OTUD7B: variants seen among roughly 807,000 people sequenced by gnomAD.
OTUD7B encodes OTU deubiquitinase 7B, also known as OTU domain-containing protein 7B.
OTUD7B carries 34 observed loss-of-function variants against 82.2 expected under a neutral mutation model. That is an observed-to-expected ratio of 0.41 (90% CI 0.31 to 0.55). The LOEUF is 0.55. Among genes scored for constraint, OTUD7B ranks in the 20% least tolerant of loss-of-function variants. OTUD7B has a pLI of 0.20. For synonymous variants in OTUD7B, 398 were observed against 402.7 expected, an observed-to-expected ratio of 0.99 and a Z score of 0.14; for missense variants, 944 against 1,062.1, an observed-to-expected ratio of 0.89 and a Z score of 1.55.
At chr1:150,047,047 G>C in the OTUD7B span, among the ~76,000 whole-genome samples, 1 of 151,926 alleles carries the variant, frequency 6.6e-6, no homozygotes, top group African/African-American at 2.4e-5. Flanking sequence ...CTCTAGCCTG[G>C]GCGACAGAGC....
chr1:150,049,302 C>T, the OTUD7B span, among the ~76,000 whole-genome samples: 395 of 152,256 alleles, frequency 2.6e-3, no homozygotes, highest in Non-Finnish European at 3.5e-3. Context: ...TTAAATTATT[C>T]TCTATATCTG....
At chr1:150,010,866 C>T (rs947357953), upstream of OTUD7B, among the ~76,000 whole-genome samples, 1 of 152,144 alleles carries the variant, frequency 6.6e-6, no homozygotes, top group African/African-American at 2.4e-5. Context: ...AGGCTGCGGC[C>T]AGTTTGGCGC....
At chr1:150,017,904 G>A in the OTUD7B span, among the ~76,000 whole-genome samples, 588 of 152,244 alleles carry the variant, frequency 3.9e-3, 5 homozygotes, top group African/African-American at 0.013. Context: ...GAGCTTTGGG[G>A]TTCAGTGACT....
At chr1:150,054,808 C>CACAAAAAAAAAAAAAAAA in the OTUD7B span, 1 of 41,700 alleles carries the variant, frequency 2.4e-5, no homozygotes, top group African/African-American at 1.0e-4. Flanking sequence ...AACTCAGTCT[C>CACAAAAAAAAAAAAAAAA]AAAAAAAAAA....
intron 7 of OTUD7B, among the ~76,000 whole-genome samples, chr1:149,958,415 C>A (rs1553774993): frequency 7.1e-6 from 1 of 140,890 alleles, no homozygotes; most frequent in African/African-American, 2.6e-5. Flanking sequence ...ACAACCTCTG[C>A]TTCCTGGGTT....
intron 6 of OTUD7B, among the ~76,000 whole-genome samples, chr1:149,960,102 A>C (rs1327425752): frequency 2.0e-5 from 3 of 152,084 alleles, no homozygotes; most frequent in Non-Finnish European, 4.4e-5. Context: ...GCAAAGAACA[A>C]TGACCTTCTA....
chr1:149,971,355 A>G (rs1649917113), intron 2 of OTUD7B, 104 bp from the exon 3 acceptor site: 1 of 631,612 alleles, frequency 1.6e-6, no homozygotes, highest in Non-Finnish European at 2.7e-6. Context: ...ACGCATGCAC[A>G]TAATCATTCT....
the OTUD7B span, among the ~76,000 whole-genome samples, chr1:150,026,034 T>C: frequency 1.3e-5 from 2 of 152,232 alleles, no homozygotes; most frequent in Admixed American, 6.5e-5. Context: ...ATATGAATTT[T>C]AGAAAATACA....
At chr1:150,064,078 A>C in the OTUD7B span, among the ~76,000 whole-genome samples, 1 of 152,230 alleles carries the variant, frequency 6.6e-6, no homozygotes, top group Non-Finnish European at 1.5e-5. Flanking sequence ...TCAATGGGAA[A>C]TACATATAAC....
At position 149,943,797 on chromosome 1, in the gene OTUD7B, T is replaced by G; in HGVS notation, c.*60A>C. The G allele has an allele frequency of 2.6e-5, 39 of 1,514,902 alleles. No homozygotes were observed. The highest frequency in any genetic ancestry group is 3.5e-5 in the Non-Finnish European group (38 of 1,101,148). The allele number at this position is 1,514,902 out of a possible 1,614,324, so 93.8% of individuals were successfully genotyped here. ...CTCAACATGGGGACTGTGTTCTTGA[T>G]GAGCCAATTAGTTGAGCTTAACTTT... On this transcript the variant is annotated 3_prime_UTR_variant, in exon 12 of 12. Coordinates refer to ENST00000581312, the MANE Select transcript of OTUD7B (RefSeq NM_020205.4).
chr1:150,017,334 A>T, the OTUD7B span, among the ~76,000 whole-genome samples: 1 of 152,202 alleles, frequency 6.6e-6, no homozygotes, highest in Non-Finnish European at 1.5e-5. Flanking sequence ...GGGTTAAGAG[A>T]TTAAAAAAGG....
the OTUD7B span, among the ~76,000 whole-genome samples, chr1:150,037,366 A>G: frequency 6.6e-6 from 1 of 152,096 alleles, no homozygotes; most frequent in African/African-American, 2.4e-5. Flanking sequence ...CTAAAATGGC[A>G]GTAAAGGCAT....
At chr1:150,032,833 A>G in the OTUD7B span, among the ~76,000 whole-genome samples, 1 of 152,320 alleles carries the variant, frequency 6.6e-6, no homozygotes, top group East Asian at 1.9e-4. Flanking sequence ...TGGCCAAAAC[A>G]GTATTCTTTT....
intron 1 of OTUD7B, among the ~76,000 whole-genome samples, chr1:149,984,914 C>T (rs1651028713): frequency 6.6e-6 from 1 of 152,152 alleles, no homozygotes; most frequent in African/African-American, 2.4e-5. Context: ...CAGGCTACAG[C>T]TCTTTTATTC....
the OTUD7B span, among the ~76,000 whole-genome samples, chr1:150,037,771 G>A: frequency 2.5e-3 from 384 of 152,028 alleles, 3 homozygotes; most frequent in African/African-American, 9.0e-3. Flanking sequence ...TGTATTTTCA[G>A]CTGAGACGGG....
rs587703947 is a variant in OTUD7B at position 149,971,143 on chromosome 1, G to A, written c.194C>T (p.Thr65Ile). 6.2e-7 allele frequency: 1 copy of A among 1,613,652 alleles called. No individual in the cohort carries two copies. Among genetic ancestry groups the A allele is most frequent in the African/African-American group, 1.3e-5 (1 of 74,974 alleles). Reference sequence around the variant, plus strand: ...TCTGTCAGAAAACCCTTTTTCAGGGGTCCTGGAGCCACCACTCCCCTCACT... The same window carrying A: ...TCTGTCAGAAAACCCTTTTTCAGGGATCCTGGAGCCACCACTCCCCTCACT... ...SFSEGSGGSR[T>I]PEKGFSDREP... is the part of the protein sequence containing the mutation. Residue 65 changes from threonine (T) to isoleucine (I), a missense_variant, in exon 3 of 12, where the codon ACC (threonine) becomes ATC (isoleucine). Thr to Ile is a moderately conservative substitution (Grantham distance 89). Coordinates refer to ENST00000581312, the MANE Select transcript of OTUD7B (RefSeq NM_020205.4).
chr1:149,945,390 G>A (rs1553771879), intron 11 of OTUD7B, among the ~76,000 whole-genome samples: 1 of 152,154 alleles, frequency 6.6e-6, no homozygotes, highest in Non-Finnish European at 1.5e-5. Flanking sequence ...GTAGAATAAA[G>A]CCTTACTGTT....
At chr1:150,013,989 CATATATACACACAT>C (rs1363188309), upstream of OTUD7B, among the ~76,000 whole-genome samples, 3 of 129,736 alleles carry the variant, frequency 2.3e-5, no homozygotes, top group East Asian at 6.6e-4. Flanking sequence ...TATACACACA[CATATATACACACAT>C]ATATATACAC....
rs587723782 is a variant in OTUD7B, at chr1:149,958,092, A to G, written c.845+1592T>C. Reference sequence around the variant, plus strand: ...CGGTACCTCAGTTGGAAATGCAGAAATCATCCCTCTTCTGCGTCACTCATG... The same window carrying G: ...CGGTACCTCAGTTGGAAATGCAGAAGTCATCCCTCTTCTGCGTCACTCATG... On this transcript the variant is annotated intron_variant, in intron 7 of 11. Transcript: ENST00000581312. Among the ~76,000 whole-genome samples the G allele has an allele frequency of 3.9e-5, 6 of 152,226 alleles. No homozygotes were observed. The South Asian group carries it at 1.2e-3, about 32-fold the overall frequency.
Sources: gnomAD v4.1 joint callset for allele counts (sites outside exome capture counted in the v4.1 genomes callset) on GRCh38, gnomAD v4.1.1 for gene constraint, MANE v1.5 for transcripts, NCBI Gene and HGNC (gene_info 2026-07-23, HGNC 2026-07-21) for gene names.